CAPRIN1: variants seen among roughly 807,000 people sequenced by gnomAD.
The protein encoded by CAPRIN1 is caprin-1.
In CAPRIN1, 29 loss-of-function variants were observed where a neutral mutation model predicts 100.9. The ratio of observed to expected loss-of-function variants is 0.29; its 90% CI spans 0.21 to 0.39. The LOEUF (loss-of-function observed/expected upper bound fraction) is 0.39, where lower values mean the gene tolerates loss of function less well. CAPRIN1 is among the 10% of genes least tolerant of loss of function. CAPRIN1 has a pLI of 1.00. For missense variants in CAPRIN1, 795 were observed against 876.7 expected, an observed-to-expected ratio of 0.91 and a Z score of 1.18; for synonymous variants, 338 against 307.5, an observed-to-expected ratio of 1.10 and a Z score of -1.04.
intron 9 of CAPRIN1, among the ~76,000 whole-genome samples, chr11:34,084,760 A>G (rs1851105579): frequency 6.6e-6 from 1 of 152,206 alleles, no homozygotes; most frequent in Non-Finnish European, 1.5e-5. Flanking sequence ...GATGTATAGC[A>G]TGGATGTAGA....
rs1850349326 is a variant in CAPRIN1 at position 34,052,651 on chromosome 11, C to T, written c.216+15C>T. 1.3e-6 allele frequency: 2 copies of T among 1,593,212 alleles called. No individual in the cohort carries two copies. Among genetic ancestry groups the T allele is most frequent in the Admixed American group, 1.7e-5 (1 of 57,144 alleles). On this transcript the variant is annotated intron_variant, in intron 2 of 18. Transcript: ENST00000341394. ...AGAAGAAAAAGGTGCCAGGAGTTGGCGGGGAAGGGAGGGGTGGCTGCGGCC... is the reference window on the plus strand; with the variant it reads ...AGAAGAAAAAGGTGCCAGGAGTTGGTGGGGAAGGGAGGGGTGGCTGCGGCC...
At chr11:34,098,543 T>C in intron 18 of CAPRIN1, 2 of 985,376 alleles carry the variant, frequency 2.0e-6, no homozygotes, top group African/African-American at 1.7e-5. Flanking sequence ...ATAACATGTA[T>C]AAAATGTGTG....
Position 34,090,539 on chromosome 11 carries a change from CTTT to C in CAPRIN1, c.1416_1418del (p.Leu473del). ...TCACTTTGTGTTTAGGCAACAATCTCTTTAAATACAGACCAGACTACAGCATCA... is the reference window on the plus strand; with the variant it reads ...TCACTTTGTGTTTAGGCAACAATCTCAAATACAGACCAGACTACAGCATCA... On this transcript the variant is annotated inframe_deletion, in exon 14 of 19. Transcript: ENST00000341394. The C allele has an allele frequency of 6.2e-7, 1 of 1,613,934 alleles. No homozygotes were observed. The highest frequency in any genetic ancestry group is 8.5e-7 in the Non-Finnish European group (1 of 1,179,860).
rs1851463847 is a variant in CAPRIN1, at chr11:34,102,169, A to G, written c.*2802A>G. Among the ~76,000 whole-genome samples, 1 of 152,190 alleles carries G rather than the reference A, an allele frequency of 6.6e-6. No homozygotes were observed. The highest frequency in any genetic ancestry group is 1.5e-5 in the Non-Finnish European group (1 of 68,022). On this transcript the variant is annotated 3_prime_UTR_variant, in exon 19 of 19. Coordinates refer to ENST00000341394, the MANE Select transcript of CAPRIN1 (RefSeq NM_005898.5). Reference sequence around the variant, plus strand: ...TTACGTGGGAGACTTTTCCACTTAAAGGAGACATAGAATGTGTGCTTATTC... The same window carrying G: ...TTACGTGGGAGACTTTTCCACTTAAGGGAGACATAGAATGTGTGCTTATTC...
At chr11:34,064,661 C>G (rs1850651072) in intron 2 of CAPRIN1, among the ~76,000 whole-genome samples, 1 of 152,132 alleles carries the variant, frequency 6.6e-6, no homozygotes, top group Non-Finnish European at 1.5e-5. Context: ...TGGTATTTAC[C>G]ACTTAGTTTA....
chr11:34,052,228 C>T (rs1407008746), intron 1 of CAPRIN1, 193 bp from the exon 2 acceptor site: 4 of 188,468 alleles, frequency 2.1e-5, no homozygotes, highest in African/African-American at 3.0e-5. Context: ...CCCAGCCGGG[C>T]GCCCCGCTGG....
intron 2 of CAPRIN1, among the ~76,000 whole-genome samples, chr11:34,071,364 G>T (rs960838104): frequency 6.6e-6 from 1 of 152,142 alleles, no homozygotes; most frequent in Non-Finnish European, 1.5e-5. Context: ...AGGAGTTTGA[G>T]ATCAGCCTGG....
Position 34,099,000 on chromosome 11 carries a change from C to T in CAPRIN1, c.2066-303C>T, listed in dbSNP as rs983870029. ...TCTTCTCTGCTGTATCTATTCCCAACGCTTGATGATGGTGCCTGGCACATA... is the reference window on the plus strand; with the variant it reads ...TCTTCTCTGCTGTATCTATTCCCAATGCTTGATGATGGTGCCTGGCACATA... On this transcript the variant is annotated intron_variant, in intron 18 of 18. Coordinates refer to ENST00000341394, the MANE Select transcript of CAPRIN1 (RefSeq NM_005898.5). The T allele has an allele frequency of 3.1e-5, 39 of 1,238,350 alleles. No individual in the cohort carries two copies. In the African/African-American group the frequency reaches 4.6e-4, roughly 15 times the overall value. The allele number at this position is 1,238,350 out of a possible 1,614,324, so 76.7% of individuals were successfully genotyped here.
rs781508072 is a variant in CAPRIN1 at position 34,052,609 on chromosome 11, G to A, written c.189G>A (p.Lys63=). Residue 63 remains lysine (K), a synonymous_variant, in exon 2 of 19, where the codon AAG becomes AAA. Coordinates refer to ENST00000341394, the MANE Select transcript of CAPRIN1 (RefSeq NM_005898.5). ...AGCAGATTCTCGGGGTGATCGACAAGAAACTTCGGAACCTGGAGAAGAAAA... is the reference window on the plus strand; with the variant it reads ...AGCAGATTCTCGGGGTGATCGACAAAAAACTTCGGAACCTGGAGAAGAAAA... ...AMKQILGVID[K]KLRNLEKKKG... is the part of the protein sequence containing the mutation. 4.3e-6 allele frequency: 7 copies of A among 1,610,518 alleles called. No individual in the cohort carries two copies. The highest frequency in any genetic ancestry group is 1.7e-4 in the Middle Eastern group (1 of 6,044).
chr11:34,068,877 ACT>A (rs1850752883), intron 2 of CAPRIN1, among the ~76,000 whole-genome samples: 1 of 152,040 alleles, frequency 6.6e-6, no homozygotes, highest in African/African-American at 2.4e-5. Flanking sequence ...AGATATACAA[ACT>A]CTACCCCATG....
intron 15 of CAPRIN1, among the ~76,000 whole-genome samples, chr11:34,093,382 T>C (rs1191119549): frequency 6.6e-6 from 1 of 152,050 alleles, no homozygotes; most frequent in East Asian, 1.9e-4. Flanking sequence ...CTCCCACCTC[T>C]ACCTTATAGG....
chr11:34,065,079 C>A (rs1850662744), intron 2 of CAPRIN1, among the ~76,000 whole-genome samples: 1 of 151,574 alleles, frequency 6.6e-6, no homozygotes, highest in Admixed American at 6.6e-5. Context: ...CCTGCCTCAG[C>A]CTCCTGAGTA....
intron 2 of CAPRIN1, chr11:34,053,092 G>T (rs916588319): frequency 2.9e-6 from 3 of 1,018,222 alleles, no homozygotes; most frequent in Admixed American, 5.9e-5. Flanking sequence ...GCGTCCTGCA[G>T]CCTTGGGGTC....
intron 14 of CAPRIN1, 109 bp downstream of exon 14, chr11:34,090,787 C>T (rs1851248732): frequency 6.9e-6 from 6 of 872,526 alleles, no homozygotes; most frequent in South Asian, 1.7e-5. Flanking sequence ...CTGCATCTTT[C>T]ATTAACTGTA....
At chr11:34,064,307 G>A (rs753013563) in intron 2 of CAPRIN1, among the ~76,000 whole-genome samples, 10 of 152,116 alleles carry the variant, frequency 6.6e-5, no homozygotes, top group Non-Finnish European at 1.5e-4. Flanking sequence ...GCTATTCCTT[G>A]TATATTCGCT....
At position 34,083,019 on chromosome 11, in the gene CAPRIN1, A is replaced by T; in HGVS notation, c.944A>T (p.Glu315Val). Residue 315 changes from glutamate (E) to valine (V), a missense_variant, in exon 9 of 19, where the codon GAG (glutamate) becomes GTG (valine). Coordinates refer to ENST00000341394, the MANE Select transcript of CAPRIN1 (RefSeq NM_005898.5). Reference sequence around the variant, plus strand: ...AGTGGTGAAAAGGAGCAGGTAGATGAGTGGACAGTTGAAACGGTTGAGGTA... The same window carrying T: ...AGTGGTGAAAAGGAGCAGGTAGATGTGTGGACAGTTGAAACGGTTGAGGTA... ...FTSGEKEQVD[E>V]WTVETVEVVN... is the part of the protein sequence containing the mutation. 1.9e-6 allele frequency: 3 copies of T among 1,613,776 alleles called. No individual in the cohort carries two copies. Among genetic ancestry groups the T allele is most frequent in the Non-Finnish European group, 2.5e-6 (3 of 1,179,682 alleles).
chr11:34,054,877 A>G (rs1454838502), intron 2 of CAPRIN1, among the ~76,000 whole-genome samples: 2 of 152,214 alleles, frequency 1.3e-5, no homozygotes, highest in African/African-American at 4.8e-5. Flanking sequence ...TGTTAATACT[A>G]ATTATGAACA....
chr11:34,086,055 C>G lies in CAPRIN1; in HGVS notation c.967-9C>G, dbSNP rs200204494. On this transcript the variant is annotated splice_polypyrimidine_tract_variant and intron_variant, in intron 9 of 18. Transcript: ENST00000341394. The stretch of plus-strand genomic sequence containing the variant: ...CCTATTCCTTCTAATCCTTTTTTTT[C>G]TACCTTAGGTGGTAAATTCACTCCA... 1.2e-5 allele frequency: 19 copies of G among 1,603,574 alleles called. No homozygotes were observed. In the Admixed American group the frequency reaches 1.9e-4, roughly 16 times the overall value.
intron 15 of CAPRIN1, among the ~76,000 whole-genome samples, chr11:34,094,180 C>T (rs139010616): frequency 8.6e-5 from 13 of 152,002 alleles, no homozygotes; most frequent in Non-Finnish European, 1.3e-4. Flanking sequence ...ACATTGTGGG[C>T]CGTTGTCCAG....
Sources: allele counts gnomAD v4.1 joint callset (sites outside exome capture counted in the v4.1 genomes callset), GRCh38; gene constraint gnomAD v4.1.1; transcripts MANE v1.5; gene names NCBI Gene and HGNC (gene_info 2026-07-23, HGNC 2026-07-21).